Variants in SLC28A1 observed in about 807,000 individuals in gnomAD.
The protein encoded by SLC28A1 is solute carrier family 28 member 1.
A neutral mutation model predicts 74.8 loss-of-function variants in SLC28A1; 64 were observed. The ratio of observed to expected loss-of-function variants is 0.86; its 90% CI spans 0.70 to 1.05. The LOEUF is 1.05. SLC28A1 is among the 50% of genes least tolerant of loss of function. The pLI, the probability that SLC28A1 is intolerant of heterozygous loss-of-function variation, is 0.00. For missense variants in SLC28A1, 828 were observed against 822.8 expected, an observed-to-expected ratio of 1.01 and a Z score of -0.08; for synonymous variants, 359 against 335.0, an observed-to-expected ratio of 1.07 and a Z score of -0.78.
intron 10 of SLC28A1, among the ~76,000 whole-genome samples, chr15:84,919,115 C>T (rs151335867): frequency 7.2e-5 from 11 of 152,158 alleles, no homozygotes; most frequent in African/African-American, 1.9e-4. Flanking sequence ...AGTTTTGAGG[C>T]GGCACTGAAA....
At chr15:84,897,587 A>G (rs1368555485) in intron 6 of SLC28A1, among the ~76,000 whole-genome samples, 1 of 151,940 alleles carries the variant, frequency 6.6e-6, no homozygotes, top group Admixed American at 6.6e-5. Flanking sequence ...AGATCAAATC[A>G]GTGTACTTGG....
Position 84,904,049 on chromosome 15 carries a change from G to T in SLC28A1, c.462-48G>T, listed in dbSNP as rs762599984. 7 of 1,613,636 alleles carry T rather than the reference G, an allele frequency of 4.3e-6. No homozygotes were observed. In the South Asian group the frequency reaches 7.7e-5, roughly 18 times the overall value. ...CCGGGTGCTATTGTGTGTGGGTGGGGTGGGGGTGCAATGCTGAGGGTAATG... is the reference window on the plus strand; with the variant it reads ...CCGGGTGCTATTGTGTGTGGGTGGGTTGGGGGTGCAATGCTGAGGGTAATG... On this transcript the variant is annotated intron_variant, in intron 6 of 18. Coordinates refer to ENST00000394573, the MANE Select transcript of SLC28A1 (RefSeq NM_004213.5).
At chr15:84,917,611 G>A (rs1254541564) in intron 9 of SLC28A1, among the ~76,000 whole-genome samples, 1 of 151,680 alleles carries the variant, frequency 6.6e-6, no homozygotes, top group Non-Finnish European at 1.5e-5. Flanking sequence ...TAACAGCATA[G>A]CATACACTCT....
intron 16 of SLC28A1, among the ~76,000 whole-genome samples, chr15:84,944,132 A>G (rs1973036434): frequency 6.6e-6 from 1 of 152,180 alleles, no homozygotes; most frequent in East Asian, 1.9e-4. Flanking sequence ...CCTAAGGTCG[A>G]AGGGTCTGCA....
intron 15 of SLC28A1, among the ~76,000 whole-genome samples, chr15:84,935,944 GGTTTTTGTT>G (rs1416120524): frequency 3.3e-5 from 3 of 90,110 alleles, no homozygotes; most frequent in African/African-American, 1.2e-4. Flanking sequence ...GTTTTGGTTT[GGTTTTTGTT>G]TTTTTTTTTT....
chr15:84,947,022 A>G (rs28752146), downstream of SLC28A1, among the ~76,000 whole-genome samples: 4,545 of 152,282 alleles, frequency 0.03, 239 homozygotes, highest in African/African-American at 0.1. Flanking sequence ...AGCCCTGGCC[A>G]GCAGTTATTC....
intron 6 of SLC28A1, chr15:84,895,824 T>C (rs966514254): frequency 9.1e-7 from 1 of 1,095,762 alleles, no homozygotes; most frequent in African/African-American, 1.6e-5. Flanking sequence ...AATACTCTAT[T>C]TTGTTGATGA....
At chr15:84,920,867 T>G in intron 10 of SLC28A1, 122 bp from the exon 11 acceptor site, 1 of 791,112 alleles carries the variant, frequency 1.3e-6, no homozygotes, top group South Asian at 1.4e-5. Flanking sequence ...AAAATGTAGA[T>G]GAAGGGGTCC....
intron 15 of SLC28A1, among the ~76,000 whole-genome samples, chr15:84,937,898 A>AAACAC (rs113246799): frequency 6.7e-6 from 1 of 149,404 alleles, no homozygotes; most frequent in Non-Finnish European, 1.5e-5. Context: ...CTCTGTCTCA[A>AAACAC]AAAACAAAAC....
At chr15:84,931,490 CA>C (rs71135334) in intron 12 of SLC28A1, among the ~76,000 whole-genome samples, 80 of 139,868 alleles carry the variant, frequency 5.7e-4, no homozygotes, top group Non-Finnish European at 6.0e-4. Flanking sequence ...ACTGAAAATA[CA>C]AAAAAAAAAA....
At chr15:84,917,969 G>A (rs1969346270) in intron 9 of SLC28A1, among the ~76,000 whole-genome samples, 1 of 152,132 alleles carries the variant, frequency 6.6e-6, no homozygotes, top group Non-Finnish European at 1.5e-5. Context: ...TAGGAAATGG[G>A]GTGATGGGAG....
At position 84,939,393 on chromosome 15, in the gene SLC28A1, C is replaced by T. The variant is rs1161522851; in HGVS notation, c.1581+3875C>T. Among the ~76,000 whole-genome samples the T allele has an allele frequency of 3.0e-4, 46 of 151,714 alleles. 1 individual carries two copies. The highest frequency in any genetic ancestry group is 3.0e-3 in the Admixed American group (45 of 15,200). ...CAGAGGGAGGGAGGGAAAAAGACAG[C>T]GAGACCGAAGGAAGGGAGGGAGCCT... is the stretch of plus-strand genomic sequence containing the variant. On this transcript the variant is annotated intron_variant, in intron 15 of 18. Transcript: ENST00000394573.
At chr15:84,894,836 C>A in intron 5 of SLC28A1, 104 bp from the exon 6 acceptor site, 1 of 1,144,650 alleles carries the variant, frequency 8.7e-7, no homozygotes, top group Non-Finnish European at 1.3e-6. Context: ...ACTTTCCTGC[C>A]CTCCACGCTC....
chr15:84,950,382 T>A (rs982060981), downstream of SLC28A1, among the ~76,000 whole-genome samples: 1 of 95,852 alleles, frequency 1.0e-5, no homozygotes, highest in Non-Finnish European at 2.2e-5. Flanking sequence ...TTTTTTTTTT[T>A]AGTAAAAACT....
chr15:84,906,018 CTTTTTTT>C (rs34746940), intron 8 of SLC28A1, among the ~76,000 whole-genome samples: 1 of 139,264 alleles, frequency 7.2e-6, no homozygotes, highest in Admixed American at 7.2e-5. Flanking sequence ...CATTTTTGTT[CTTTTTTT>C]TTTTTTTCTT....
At chr15:84,901,545 A>G (rs182736935) in intron 6 of SLC28A1, among the ~76,000 whole-genome samples, 164 of 152,288 alleles carry the variant, frequency 1.1e-3, no homozygotes, top group African/African-American at 3.8e-3. Context: ...CAAAAAACAA[A>G]AAAAGGCTCA....
At chr15:84,935,242 G>T (rs754325114) in intron 14 of SLC28A1, 48 bp downstream of exon 14, 1 of 1,612,882 alleles carries the variant, frequency 6.2e-7, no homozygotes, top group South Asian at 1.1e-5. Flanking sequence ...ATGGCCCCAG[G>T]TGGGTGGTGA....
Position 84,904,422 on chromosome 15 carries a change from C to G in SLC28A1, c.603+184C>G, listed in dbSNP as rs532255273. Among the ~76,000 whole-genome samples the G allele has an allele frequency of 9.2e-5, 14 of 152,230 alleles. 2 individuals carry two copies. In the South Asian group the frequency reaches 2.7e-3, roughly 29 times the overall value. On this transcript the variant is annotated intron_variant, in intron 7 of 18. Transcript: ENST00000394573. The stretch of plus-strand genomic sequence containing the variant: ...TGTGAAGAAGAAGTCTTCAAAATCC[C>G]CAGCAGGGATGTCTTTCCAGACTCA...
the SLC28A1 span, among the ~76,000 whole-genome samples, chr15:84,962,285 G>A: frequency 6.6e-6 from 1 of 151,902 alleles, no homozygotes; most frequent in African/African-American, 2.4e-5. Context: ...TGTTGCCCAG[G>A]CTTGTCTCGA....
Sources: allele counts gnomAD v4.1 joint callset (sites outside exome capture counted in the v4.1 genomes callset), GRCh38; gene constraint gnomAD v4.1.1; transcripts MANE v1.5; gene names NCBI Gene and HGNC (gene_info 2026-07-23, HGNC 2026-07-21).